The following ASZ1 variants were observed in gnomAD, a reference collection of about 807,000 sequenced individuals.
ASZ1 encodes the protein ankyrin repeat, SAM and basic leucine zipper domain-containing protein 1.
ASZ1 carries 67 observed loss-of-function variants against 61.8 expected under a neutral mutation model. The ratio of observed to expected loss-of-function variants is 1.08; its 90% CI spans 0.89 to 1.33. ASZ1 has a LOEUF of 1.33. ASZ1 is among the 40% of genes most tolerant of loss of function. The probability of loss-of-function intolerance (pLI) is 0.00; values close to 1 mark genes in which losing one functional copy is unlikely to be tolerated. For synonymous variants in ASZ1, 193 were observed against 192.7 expected, an observed-to-expected ratio of 1.00 and a Z score of -0.01; for missense variants, 577 against 554.5, an observed-to-expected ratio of 1.04 and a Z score of -0.41.
At chr7:117,390,448 C>T (rs1247257678) in intron 4 of ASZ1, among the ~76,000 whole-genome samples, 1 of 152,088 alleles carries the variant, frequency 6.6e-6, no homozygotes, top group African/African-American at 2.4e-5. Context: ...GGATTATGGG[C>T]ATGAGCCACC....
chr7:117,381,099 A>G, intron 8 of ASZ1, 32 bp from the exon 9 acceptor site: 2 of 1,506,564 alleles, frequency 1.3e-6, no homozygotes, highest in East Asian at 2.3e-5. Context: ...CCACCTTTCC[A>G]TATAATTAAA....
chr7:117,366,652 T>C (rs1441141986), intron 12 of ASZ1, among the ~76,000 whole-genome samples: 3 of 151,656 alleles, frequency 2.0e-5, no homozygotes, highest in African/African-American at 7.3e-5. Flanking sequence ...TACAGATATA[T>C]ATTATATATT....
At chr7:117,375,548 C>G (rs1232879595) in intron 10 of ASZ1, among the ~76,000 whole-genome samples, 1 of 152,012 alleles carries the variant, frequency 6.6e-6, no homozygotes, top group African/African-American at 2.4e-5. Flanking sequence ...CCTGCCAAAG[C>G]CTTTAAAATC....
At chr7:117,417,525 TA>T (rs1797019002) in intron 4 of ASZ1, among the ~76,000 whole-genome samples, 1 of 152,230 alleles carries the variant, frequency 6.6e-6, no homozygotes, top group Non-Finnish European at 1.5e-5. Context: ...GAGTTAGCTA[TA>T]AAATTCTCTT....
chr7:117,383,182 C>A, intron 6 of ASZ1, 72 bp from the exon 7 acceptor site: 2 of 1,362,588 alleles, frequency 1.5e-6, no homozygotes, highest in Non-Finnish European at 1.9e-6. Context: ...AGAAACTGAA[C>A]ATACGATTAT....
At chr7:117,399,245 G>T (rs1305677514) in intron 4 of ASZ1, among the ~76,000 whole-genome samples, 1 of 152,022 alleles carries the variant, frequency 6.6e-6, no homozygotes, top group Non-Finnish European at 1.5e-5. Flanking sequence ...GAACGAAGCT[G>T]AAACTAAATG....
chr7:117,418,258 A>G (rs1311759530), intron 4 of ASZ1, among the ~76,000 whole-genome samples: 2 of 152,260 alleles, frequency 1.3e-5, no homozygotes, highest in Non-Finnish European at 2.9e-5. Flanking sequence ...AGTTTACTTC[A>G]GCAAGGAGTA....
chr7:117,395,500 C>A (rs1222724763), intron 4 of ASZ1, among the ~76,000 whole-genome samples: 1 of 151,982 alleles, frequency 6.6e-6, no homozygotes, highest in Non-Finnish European at 1.5e-5. Context: ...AGATGACAAC[C>A]AACATCCAGC....
At chr7:117,372,846 T>C (rs937422903) in intron 10 of ASZ1, among the ~76,000 whole-genome samples, 1 of 152,198 alleles carries the variant, frequency 6.6e-6, no homozygotes, top group Non-Finnish European at 1.5e-5. Context: ...ACCTTTTATA[T>C]TGTGCCTTTT....
At chr7:117,425,948 T>C (rs1036485411) in intron 2 of ASZ1, among the ~76,000 whole-genome samples, 5 of 152,048 alleles carry the variant, frequency 3.3e-5, no homozygotes, top group African/African-American at 1.2e-4. Context: ...TGAGCGAAGA[T>C]GGTGCCACTG....
At chr7:117,401,491 G>A (rs768336866) in intron 4 of ASZ1, among the ~76,000 whole-genome samples, 47 of 151,868 alleles carry the variant, frequency 3.1e-4, no homozygotes, top group Non-Finnish European at 5.7e-4. Flanking sequence ...GACTTGTTGT[G>A]CTGGACCCCT....
At chr7:117,401,144 C>T (rs1261476037) in intron 4 of ASZ1, among the ~76,000 whole-genome samples, 1 of 151,896 alleles carries the variant, frequency 6.6e-6, no homozygotes, top group African/African-American at 2.4e-5. Context: ...AAAGAAAATA[C>T]CCAGTGTGAA....
chr7:117,384,290 A>G (rs923307422), intron 6 of ASZ1, among the ~76,000 whole-genome samples: 9 of 152,134 alleles, frequency 5.9e-5, no homozygotes, highest in Non-Finnish European at 1.3e-4. Context: ...TGTCACACAT[A>G]TAAGAGCAAA....
chr7:117,426,148 T>C (rs1797205774), intron 2 of ASZ1, among the ~76,000 whole-genome samples: 2 of 151,880 alleles, frequency 1.3e-5, no homozygotes, highest in South Asian at 4.2e-4. Context: ...AACAAAAAAC[T>C]GTAACGAGAA....
intron 4 of ASZ1, among the ~76,000 whole-genome samples, chr7:117,416,418 G>A (rs558897932): frequency 6.6e-6 from 1 of 152,140 alleles, no homozygotes; most frequent in East Asian, 1.9e-4. Flanking sequence ...CTAAGCAATT[G>A]ATTTTCTGCC....
chr7:117,384,592 T>C (rs1263042500), intron 6 of ASZ1, 134 bp downstream of exon 6: 17 of 1,054,394 alleles, frequency 1.6e-5, no homozygotes, highest in Non-Finnish European at 2.2e-5. Flanking sequence ...GGAGGAAAGA[T>C]ACATATTTAA....
intron 11 of ASZ1, chr7:117,367,872 C>T: frequency 1.0e-6 from 1 of 985,806 alleles, no homozygotes; most frequent in South Asian, 4.7e-5. Flanking sequence ...CTTTTGCAGG[C>T]CACTTCCACT....
rs975862244 is a variant in ASZ1, at chr7:117,422,236, C to G, written c.328+1G>C. On this transcript the variant is annotated splice_donor_variant, in intron 3 of 12. Coordinates refer to ENST00000284629, the MANE Select transcript of ASZ1 (RefSeq NM_130768.3). LOFTEE classifies it high-confidence loss of function. ...CATTTAAGTTATCTAAAACATCTTA[C>G]CCTTCTCAAAGCTTGCATTAGCACC... The G allele has an allele frequency of 6.2e-7, 1 of 1,612,226 alleles. No individual in the cohort carries two copies. The highest frequency in any genetic ancestry group is 1.7e-5 in the Admixed American group (1 of 59,596).
intron 12 of ASZ1, among the ~76,000 whole-genome samples, chr7:117,364,777 C>A (rs926342679): frequency 2.6e-5 from 4 of 152,126 alleles, no homozygotes; most frequent in Non-Finnish European, 5.9e-5. Context: ...GTCTGACTTC[C>A]AAATGGCTTC....
Sources: gnomAD v4.1 joint callset for allele counts (sites outside exome capture counted in the v4.1 genomes callset) on GRCh38, gnomAD v4.1.1 for gene constraint, MANE v1.5 for transcripts, NCBI Gene and HGNC (gene_info 2026-07-23, HGNC 2026-07-21) for gene names.